Variants in KIFC3 observed in about 807,000 individuals in gnomAD.
KIFC3 encodes kinesin family member C3, also known as kinesin-like protein KIFC3.
KIFC3 carries 60 observed loss-of-function variants against 101.8 expected under a neutral mutation model. That is an observed-to-expected ratio of 0.59 (90% CI 0.48 to 0.73). The LOEUF (loss-of-function observed/expected upper bound fraction) is 0.73. Among genes scored for constraint, KIFC3 ranks in the 30% least tolerant of loss-of-function variants. The pLI is 0.00. For synonymous variants in KIFC3, 476 were observed against 482.7 expected, an observed-to-expected ratio of 0.99 and a Z score of 0.18; for missense variants, 966 against 1,137.1, an observed-to-expected ratio of 0.85 and a Z score of 2.16.
chr16:57,847,760 T>TTTTG (rs1332540576), intron 1 of KIFC3, among the ~76,000 whole-genome samples: 2 of 139,788 alleles, frequency 1.4e-5, no homozygotes, highest in East Asian at 2.1e-4. Context: ...CCAGATGAAT[T>TTTTG]TGTGTGTGTG....
At chr16:57,781,940 G>A in intron 3 of KIFC3, 1 of 985,436 alleles carries the variant, frequency 1.0e-6, no homozygotes, top group Non-Finnish European at 1.2e-6. Flanking sequence ...ACACAGCCTT[G>A]CAGGAACAGC....
Position 57,802,316 on chromosome 16 carries a change from C to G in KIFC3, c.-40+54G>C. On this transcript the variant is annotated intron_variant, in intron 1 of 19. Coordinates refer to ENST00000445690, the MANE Select transcript of KIFC3 (RefSeq NM_001130100.2). The surrounding 1 kb of genome is among the most constrained non-coding windows in gnomAD (Gnocchi z 5.0). Reference sequence around the variant, plus strand: ...GGACGCGGCGCCCCAAACGGCGGGCCGGGCAGAGCCCAGCGCCCCGCTCGC... The same window carrying G: ...GGACGCGGCGCCCCAAACGGCGGGCGGGGCAGAGCCCAGCGCCCCGCTCGC... The G allele has an allele frequency of 1.1e-6, 1 of 905,982 alleles. No individual in the cohort carries two copies. The highest frequency in any genetic ancestry group is 1.3e-6 in the Non-Finnish European group (1 of 757,816). 56.1% of individuals were successfully genotyped at this position (905,982 alleles called of 1,614,324 possible).
At chr16:57,843,483 G>A (rs116480445) in intron 1 of KIFC3, among the ~76,000 whole-genome samples, 293 of 152,274 alleles carry the variant, frequency 1.9e-3, no homozygotes, top group African/African-American at 6.2e-3. Context: ...AACTGATGGC[G>A]CTGGGTTCTG....
intron 9 of KIFC3, among the ~76,000 whole-genome samples, chr16:57,767,364 T>C (rs1325216734): frequency 6.6e-6 from 1 of 152,128 alleles, no homozygotes; most frequent in Non-Finnish European, 1.5e-5. Flanking sequence ...GCCTCAATTT[T>C]CTCATCTGGA....
upstream of KIFC3, chr16:57,802,700 C>T: frequency 4.6e-6 from 4 of 860,264 alleles, no homozygotes; most frequent in South Asian, 3.5e-5. This position sits in a 1 kb window ranked among gnomAD's most constrained non-coding sequence, Gnocchi z 5.0. Context: ...TCGGTCTCTC[C>T]CGCCTCCCCG....
intron 11 of KIFC3, 28 bp from the exon 12 acceptor site, chr16:57,764,275 T>TGGGGGGGTGGGGGGGGGGG: frequency 3.7e-6 from 2 of 539,916 alleles, no homozygotes; most frequent in African/African-American, 2.0e-5. Context: ...GGGAGGCTGG[T>TGGGGGGGTGGGGGGGGGGG]GGGGGGGCTT....
rs561630281 is a variant in KIFC3 at position 57,776,081 on chromosome 16, G to T, written c.316-3793C>A. On this transcript the variant is annotated intron_variant, in intron 3 of 19. Transcript: ENST00000445690. ...TGTTTTCTCAGCTGTCTGCTTCCAA[G>T]GCGGCCTCTTACCATCACAGAAAGA... The T allele has an allele frequency of 3.4e-3, 3,316 of 985,532 alleles. 10 individuals are homozygous for T. The highest frequency in any genetic ancestry group is 3.9e-3 in the Non-Finnish European group (3,200 of 830,008). 61.0% of individuals were successfully genotyped at this position (985,532 alleles called of 1,614,324 possible).
chr16:57,851,736 T>TTTG (rs1347656765), intron 1 of KIFC3, among the ~76,000 whole-genome samples: 3 of 151,148 alleles, frequency 2.0e-5, no homozygotes, highest in African/African-American at 7.3e-5. Context: ...CCGGCTAATT[T>TTTG]TTGTTGTTGT....
rs531724180 is a variant in KIFC3, at chr16:57,816,812, C to T, written c.109-18530G>A. ...TCATGGGAAACCAAGACCAGGGAAC[C>T]CATCCCACCCCCAGTAAGACTTGAG... On this transcript the variant is annotated intron_variant, in intron 1 of 2. Coordinates refer to the KIFC3 transcript ENST00000563028. The T allele has an allele frequency of 4.9e-3, 2,219 of 452,356 alleles. 36 individuals carry two copies. Among genetic ancestry groups the T allele is most frequent in the African/African-American group, 0.04 (1,991 of 50,044 alleles). The allele number at this position is 452,356 out of a possible 1,614,324, so 28.0% of individuals were successfully genotyped here. A position where few individuals can be genotyped will look rare whatever the true frequency, so the allele number is the denominator to read the frequency against.
At chr16:57,853,602 T>A (rs1249762495) in intron 1 of KIFC3, among the ~76,000 whole-genome samples, 1 of 151,962 alleles carries the variant, frequency 6.6e-6, no homozygotes, top group African/African-American at 2.4e-5. Flanking sequence ...CTAAAAGAAT[T>A]TTTTAATTTT....
intron 1 of KIFC3, chr16:57,830,756 A>C (rs1555479181): frequency 6.6e-6 from 1 of 152,252 alleles, no homozygotes; most frequent in African/African-American, 2.4e-5. Context: ...TGCAAGGAGT[A>C]AAAGCCAGAA....
chr16:57,777,607 G>A (rs1367498907), intron 3 of KIFC3, among the ~76,000 whole-genome samples: 1 of 152,120 alleles, frequency 6.6e-6, no homozygotes, highest in Non-Finnish European at 1.5e-5. Flanking sequence ...TGTAATCCCA[G>A]CTACTCAGGA....
At chr16:57,770,020 C>A in intron 7 of KIFC3, 65 bp from the exon 8 acceptor site, 1 of 1,555,288 alleles carries the variant, frequency 6.4e-7, no homozygotes, top group South Asian at 1.2e-5. Context: ...GGTGCCACAC[C>A]GAGAAAGAAA....
chr16:57,832,916 T>C (rs2055613245), intron 1 of KIFC3, among the ~76,000 whole-genome samples: 1 of 152,066 alleles, frequency 6.6e-6, no homozygotes, highest in Admixed American at 6.6e-5. Flanking sequence ...TTATTAAAAA[T>C]ATATAAGCCG....
At chr16:57,795,501 C>T (rs1371164750) in intron 2 of KIFC3, among the ~76,000 whole-genome samples, 1 of 152,236 alleles carries the variant, frequency 6.6e-6, no homozygotes, top group East Asian at 1.9e-4. Context: ...GCTTTGAGGA[C>T]TTGCACAGGG....
intron 1 of KIFC3, among the ~76,000 whole-genome samples, chr16:57,829,142 C>G (rs1555478764): frequency 1.3e-5 from 2 of 152,128 alleles, no homozygotes; most frequent in African/African-American, 4.8e-5. Flanking sequence ...ACTTTTAGGG[C>G]AAAGATAATG....
intron 2 of KIFC3, among the ~76,000 whole-genome samples, chr16:57,796,294 A>G (rs1297431028): frequency 1.3e-5 from 2 of 152,210 alleles, no homozygotes; most frequent in Admixed American, 6.5e-5. Context: ...CGTGGTGCCC[A>G]TGTAGTGCCA....
At chr16:57,783,395 G>A (rs782096559) in intron 3 of KIFC3, among the ~76,000 whole-genome samples, 2 of 151,648 alleles carry the variant, frequency 1.3e-5, no homozygotes, top group African/African-American at 4.9e-5. Flanking sequence ...ACTTACCACC[G>A]ACCACCGAAT....
chr16:57,803,283 G>A (rs1555626221), upstream of KIFC3: 3 of 695,156 alleles, frequency 4.3e-6, no homozygotes, highest in Non-Finnish European at 5.3e-6. Context: ...CCTGCCAGCC[G>A]GGAGAGACAG....
Sources: gnomAD v4.1 joint callset for allele counts (sites outside exome capture counted in the v4.1 genomes callset) on GRCh38, gnomAD v4.1.1 for gene constraint, Gnocchi (gnomAD v3.1) non-coding constraint, MANE v1.5 for transcripts, NCBI Gene and HGNC (gene_info 2026-07-23, HGNC 2026-07-21) for gene names.